Variants in EMCN observed in about 807,000 individuals in gnomAD.
The protein encoded by EMCN is MUC-14.
EMCN carries 37 observed loss-of-function variants against 38.4 expected under a neutral mutation model. That is an observed-to-expected ratio of 0.96 (90% CI 0.74 to 1.27). EMCN has a LOEUF of 1.27. EMCN is among the 50% of genes most tolerant of loss of function. EMCN has a pLI of 0.00. For synonymous variants in EMCN, 95 were observed against 100.8 expected (o/e 0.94, Z 0.35); for missense variants, 318 against 302.8 (o/e 1.05, Z -0.37).
At chr4:100,431,852 G>C (rs1366133178) in intron 5 of EMCN, among the ~76,000 whole-genome samples, 1 of 150,322 alleles carries the variant, frequency 6.7e-6, no homozygotes, top group African/African-American at 2.5e-5. Context: ...CAACCTATTG[G>C]TTCTGTTTGT....
At chr4:100,515,814 C>T (rs1050099208) in intron 1 of EMCN, among the ~76,000 whole-genome samples, 2 of 152,024 alleles carry the variant, frequency 1.3e-5, no homozygotes, top group Non-Finnish European at 2.9e-5. Flanking sequence ...GAAATGCTTT[C>T]TTCCCTGTGC....
intron 2 of EMCN, among the ~76,000 whole-genome samples, chr4:100,477,086 C>T (rs1032613312): frequency 7.2e-5 from 11 of 152,154 alleles, no homozygotes; most frequent in Admixed American, 2.0e-4. Flanking sequence ...AAGCATCAGG[C>T]TCCTTTACTG....
intron 4 of EMCN, among the ~76,000 whole-genome samples, chr4:100,465,121 T>G (rs1009007959): frequency 2.0e-5 from 3 of 152,132 alleles, no homozygotes; most frequent in African/African-American, 4.8e-5. Flanking sequence ...TTCTAACAAT[T>G]TTTTCATTTC....
intron 4 of EMCN, among the ~76,000 whole-genome samples, chr4:100,455,330 G>T (rs923129231): frequency 1.3e-5 from 2 of 151,994 alleles, no homozygotes; most frequent in African/African-American, 4.8e-5. Flanking sequence ...GACTAAAAAT[G>T]AGATAAAAGT....
rs1317188325 is a variant in EMCN at position 100,397,424 on chromosome 4, A to G, written c.*989T>C. 6.6e-6 allele frequency: 1 copy of G among 152,216 alleles called. No individual in the cohort carries two copies. The highest frequency in any genetic ancestry group is 1.5e-5 in the Non-Finnish European group (1 of 68,028). The allele number at this position is 152,216 out of a possible 1,614,324, so 9.4% of individuals were successfully genotyped here. A position where few individuals can be genotyped will look rare whatever the true frequency, so the allele number is the denominator to read the frequency against. ...TACAATGAAAAATAATATCATAATTATGTATTTATAAAGTGTTGATTTTCT... is the reference window on the plus strand; with the variant it reads ...TACAATGAAAAATAATATCATAATTGTGTATTTATAAAGTGTTGATTTTCT... On this transcript the variant is annotated 3_prime_UTR_variant, in exon 12 of 12. Coordinates refer to ENST00000296420, the MANE Select transcript of EMCN (RefSeq NM_016242.4).
At chr4:100,455,313 T>C (rs1727979278) in intron 4 of EMCN, among the ~76,000 whole-genome samples, 1 of 152,128 alleles carries the variant, frequency 6.6e-6, no homozygotes, top group Non-Finnish European at 1.5e-5. Context: ...AAATTGTCTT[T>C]TGAAGAGACT....
intron 5 of EMCN, among the ~76,000 whole-genome samples, chr4:100,442,804 C>G (rs1437996168): frequency 3.6e-5 from 5 of 137,276 alleles, no homozygotes; most frequent in African/African-American, 1.2e-4. Flanking sequence ...TATTTGTATT[C>G]TCTTGAATCT....
chr4:100,434,382 G>GAAA (rs1560613149), intron 5 of EMCN, among the ~76,000 whole-genome samples: 3 of 2,288 alleles, frequency 1.3e-3, no homozygotes, highest in Non-Finnish European at 3.3e-3. Flanking sequence ...AGCCTACCAA[G>GAAA]CAAAAAAAAA....
intron 4 of EMCN, among the ~76,000 whole-genome samples, chr4:100,448,826 C>CCTTCCTTCCTTCCTTCCTTCCTT (rs1179151604): frequency 1.4e-5 from 2 of 139,246 alleles, no homozygotes; most frequent in African/African-American, 5.6e-5. Context: ...CTTCCTTCCT[C>CCTTCCTTCCTTCCTTCCTTCCTT]CCTCCCTCCC....
intron 5 of EMCN, among the ~76,000 whole-genome samples, chr4:100,437,079 G>C (rs1168992923): frequency 6.6e-6 from 1 of 152,080 alleles, no homozygotes; most frequent in Non-Finnish European, 1.5e-5. Flanking sequence ...TCATACCCTT[G>C]CCAAAATGTG....
intron 4 of EMCN, among the ~76,000 whole-genome samples, chr4:100,454,187 T>A (rs1027465695): frequency 1.4e-5 from 2 of 144,266 alleles, no homozygotes; most frequent in Non-Finnish European, 3.0e-5. Flanking sequence ...AATAAAAAAA[T>A]TAAAAAAATA....
intron 5 of EMCN, among the ~76,000 whole-genome samples, chr4:100,437,063 T>G (rs762792499): frequency 5.3e-5 from 8 of 152,166 alleles, no homozygotes; most frequent in Non-Finnish European, 7.3e-5. Flanking sequence ...AAGAATTCCC[T>G]TGTCTTCATA....
intron 1 of EMCN, among the ~76,000 whole-genome samples, chr4:100,517,176 C>T (rs1420997398): frequency 6.6e-6 from 1 of 152,058 alleles, no homozygotes; most frequent in Non-Finnish European, 1.5e-5. Context: ...TATGAAGATA[C>T]AAACCTATTT....
intron 1 of EMCN, among the ~76,000 whole-genome samples, chr4:100,498,856 A>T (rs1729278262): frequency 6.6e-6 from 1 of 152,248 alleles, no homozygotes; most frequent in Non-Finnish European, 1.5e-5. Context: ...AGGTGATGAT[A>T]TAAACATTAA....
At chr4:100,415,155 C>A (rs1342779447) in intron 10 of EMCN, among the ~76,000 whole-genome samples, 1 of 152,188 alleles carries the variant, frequency 6.6e-6, no homozygotes, top group Non-Finnish European at 1.5e-5. Flanking sequence ...CCTCAGCCTC[C>A]CAAAGTGCTG....
intron 1 of EMCN, among the ~76,000 whole-genome samples, chr4:100,488,794 A>G (rs550002814): frequency 9.1e-4 from 138 of 152,268 alleles, no homozygotes; most frequent in African/African-American, 3.2e-3. Context: ...AAGAAAAACT[A>G]TTTAGTTGAT....
chr4:100,428,335 A>G (rs1727108763), intron 5 of EMCN, among the ~76,000 whole-genome samples: 1 of 151,048 alleles, frequency 6.6e-6, no homozygotes, highest in South Asian at 2.1e-4. Context: ...TATTTACTCA[A>G]CTCTTTTCAG....
intron 1 of EMCN, among the ~76,000 whole-genome samples, chr4:100,504,059 G>A (rs770882557): frequency 9.9e-5 from 15 of 152,064 alleles, no homozygotes; most frequent in Non-Finnish European, 2.1e-4. Context: ...ATTCCATGAC[G>A]TAAACAAAAT....
intron 1 of EMCN, among the ~76,000 whole-genome samples, chr4:100,515,403 A>C (rs999324570): frequency 3.9e-5 from 6 of 152,242 alleles, no homozygotes; most frequent in African/African-American, 1.2e-4. Context: ...AGCTTTCCAA[A>C]TTGGAGACTG....
Sources: gnomAD v4.1 joint callset for allele counts (sites outside exome capture counted in the v4.1 genomes callset) on GRCh38, gnomAD v4.1.1 for gene constraint, MANE v1.5 for transcripts, NCBI Gene and HGNC (gene_info 2026-07-23, HGNC 2026-07-21) for gene names.